KCNAB2: variants seen among roughly 807,000 people sequenced by gnomAD.
KCNAB2 encodes the protein voltage-gated potassium channel subunit beta-2.
Under a neutral mutation model 63.6 loss-of-function variants are expected in KCNAB2, and 29 were observed. The observed-to-expected ratio is 0.46, with a 90% CI of 0.34 to 0.62. KCNAB2 has a LOEUF of 0.62. Ranked by LOEUF, KCNAB2 falls within the 20% of genes least tolerant of loss-of-function variation. KCNAB2 has a pLI of 0.01. For synonymous variants in KCNAB2, 222 were observed against 224.2 expected (o/e 0.99, Z 0.09); for missense variants, 359 against 563.9 (o/e 0.64, Z 3.68).
chr1:6,072,899 C>A, intron 3 of KCNAB2, 101 bp downstream of exon 3: 1 of 1,094,408 alleles, frequency 9.1e-7, no homozygotes, highest in Non-Finnish European at 1.4e-6. Context: ...GTGGCCCAAA[C>A]CTTGGCACTC....
intron 2 of KCNAB2, among the ~76,000 whole-genome samples, chr1:6,072,137 C>T (rs1417520049): frequency 2.6e-5 from 4 of 152,202 alleles, no homozygotes; most frequent in African/African-American, 9.6e-5. Flanking sequence ...GGAAGGAGCC[C>T]GGGCAGCTGT....
intron 11 of KCNAB2, among the ~76,000 whole-genome samples, chr1:6,094,860 G>A (rs1204113652): frequency 1.3e-5 from 2 of 152,252 alleles, no homozygotes; most frequent in Admixed American, 6.5e-5. Context: ...TGACAACACC[G>A]TCAGCTGTTT....
In KCNAB2 at chr1:6,089,164, A is replaced by G. The variant is rs1031680331; in HGVS notation, c.514+113A>G. 5 of 1,129,110 alleles carry G rather than the reference A, an allele frequency of 4.4e-6. No homozygotes were observed. The Admixed American group carries it at 6.2e-5, about 14-fold the overall frequency. The allele number at this position is 1,129,110 out of a possible 1,614,324, so 69.9% of individuals were successfully genotyped here. ...CCCCAGTTAACCCACTGAGGGCCCAATCCCGGGGCACCCGGTGCTCTGGCC... is the reference window on the plus strand; with the variant it reads ...CCCCAGTTAACCCACTGAGGGCCCAGTCCCGGGGCACCCGGTGCTCTGGCC... On this transcript the variant is annotated intron_variant, in intron 8 of 15. Transcript: ENST00000378083.
At position 6,049,274 on chromosome 1, in the gene KCNAB2, C is replaced by T. The variant is rs571803941; in HGVS notation, c.-26-2237C>T. ...AGTATCTGAGTCCCTCCTCTGTACA[C>T]GAGGGGCACTCCCATGGGCACTGAG... On this transcript the variant is annotated intron_variant, in intron 1 of 15. Transcript: ENST00000378083. 1.5e-3 allele frequency among the ~76,000 whole-genome samples: 225 copies of T among 152,176 alleles called. 1 individual carries two copies. Among genetic ancestry groups the T allele is most frequent in the Non-Finnish European group, 2.7e-3 (183 of 68,032 alleles).
rs1033450057 is a variant in KCNAB2 at position 6,096,042 on chromosome 1, A to G, written c.948+418A>G. The G allele has an allele frequency of 6.6e-6, 3 of 457,026 alleles. No homozygotes were observed. The highest frequency in any genetic ancestry group is 2.0e-5 in the African/African-American group (1 of 49,874). 28.3% of individuals were successfully genotyped at this position (457,026 alleles called of 1,614,324 possible). ...GAGAGGCGCCCCTCCCCACCACACA[A>G]CCTCTGAGTGGGGACTCAGGAGGGT... On this transcript the variant is annotated intron_variant, in intron 13 of 15. Transcript: ENST00000378083. The surrounding 1 kb of genome is among the most constrained non-coding windows in gnomAD (Gnocchi z 5.9).
chr1:6,053,358 C>T (rs1661545775), intron 2 of KCNAB2, among the ~76,000 whole-genome samples: 1 of 152,212 alleles, frequency 6.6e-6, no homozygotes, highest in South Asian at 2.1e-4. Flanking sequence ...AGGTCCCCAA[C>T]CTCACGGCAG....
chr1:6,008,220 C>A (rs1398620435), intron 1 of KCNAB2, among the ~76,000 whole-genome samples: 1 of 152,188 alleles, frequency 6.6e-6, no homozygotes, highest in Non-Finnish European at 1.5e-5. Context: ...CTGGGTCCCC[C>A]ATGGCAGAAA....
intron 1 of KCNAB2, among the ~76,000 whole-genome samples, chr1:6,019,801 T>G (rs920340169): frequency 1.3e-5 from 2 of 152,176 alleles, no homozygotes; most frequent in African/African-American, 4.8e-5. Flanking sequence ...GAAGCAAGGT[T>G]TGCTCTCAAG....
Position 5,993,226 on chromosome 1 carries a change from C to A in KCNAB2, c.-53+438C>A, listed in dbSNP as rs537767013. Among the ~76,000 whole-genome samples the A allele has an allele frequency of 1.4e-4, 21 of 151,994 alleles. No homozygotes were observed. The South Asian group carries it at 4.4e-3, about 32-fold the overall frequency. ...GCTGTTCCCGGTCCTCCCCATCTCT[C>A]CTCCTGATCGCTTCTCAAGGCTCAT... On this transcript the variant is annotated intron_variant, in intron 1 of 16. Transcript: ENST00000341524.
chr1:6,089,365 G>T (rs1393168504), intron 8 of KCNAB2, among the ~76,000 whole-genome samples: 1 of 152,234 alleles, frequency 6.6e-6, no homozygotes, highest in East Asian at 1.9e-4. Flanking sequence ...CAGTATCTGT[G>T]CAATAGGGAC....
rs1010137285 is a variant in KCNAB2 at position 6,035,012 on chromosome 1, G to A, written c.-53+218G>A. ...GCCCAGGGGAGGGACCAGGGAGTGT[G>A]GGGGAGACGGGGACTGCGATGAAAG... On this transcript the variant is annotated intron_variant, in intron 1 of 15. Transcript: ENST00000164247. This position sits in a 1 kb window ranked among gnomAD's most constrained non-coding sequence, Gnocchi z 5.0. Among the ~76,000 whole-genome samples, 1 of 152,210 alleles carries A rather than the reference G, an allele frequency of 6.6e-6. No individual in the cohort carries two copies. Among genetic ancestry groups the A allele is most frequent in the African/African-American group, 2.4e-5 (1 of 41,442 alleles).
Position 6,098,569 on chromosome 1 carries a change from T to G in KCNAB2, c.1243T>G (p.Ser415Ala). The G allele has an allele frequency of 3.1e-6, 5 of 1,613,780 alleles. No individual in the cohort carries two copies. The highest frequency in any genetic ancestry group is 4.2e-6 in the Non-Finnish European group (5 of 1,179,952). Residue 415 changes from serine to alanine, a missense_variant, in exon 16 of 16, where the codon TCC (serine) becomes GCC (alanine). Ser to Ala is a moderately conservative substitution (Grantham distance 99). Around this residue, in one of 2 missense-constraint regions of KCNAB2, gnomAD observed 271 missense variants for 476.1 expected, o/e 0.57. Coordinates refer to ENST00000378083, the MANE Select transcript of KCNAB2 (RefSeq NM_001199862.2). Reference sequence around the variant, plus strand: ...ACCCTACAGCAAAAAGGACTACAGATCCTAAGCCGCCCCCGCCCGCCTGCT... The same window carrying G: ...ACCCTACAGCAAAAAGGACTACAGAGCCTAAGCCGCCCCCGCCCGCCTGCT... ...NKPYSKKDYRS is the reference protein window; with the variant it reads ...NKPYSKKDYRA
chr1:6,010,874 G>A (rs147809560), intron 1 of KCNAB2, among the ~76,000 whole-genome samples: 226 of 152,362 alleles, frequency 1.5e-3, no homozygotes, highest in Non-Finnish European at 1.5e-3. Context: ...TCGTGGAAGC[G>A]GCGAATGAGT....
chr1:6,082,122 C>G, intron 4 of KCNAB2, 73 bp from the exon 5 acceptor site: 2 of 1,354,800 alleles, frequency 1.5e-6, no homozygotes, highest in Non-Finnish European at 2.1e-6. Flanking sequence ...CCTCCCAGGC[C>G]GAGAGGGTGG....
At chr1:6,097,123 C>T (rs1486289319) in intron 14 of KCNAB2, 146 bp from the exon 15 acceptor site, 9 of 901,608 alleles carry the variant, frequency 1.0e-5, no homozygotes, top group African/African-American at 3.4e-5. Flanking sequence ...AGACAAAGCC[C>T]GTGCCCAGCA....
rs573192863 is a variant in KCNAB2, at chr1:6,069,721, G to T, written c.219-3034G>T. ...CACGCAGCAGCCATGCTTACAAAGCGTTCAGCCTGGAGGCGCCCTGTCCCT... is the reference window on the plus strand; with the variant it reads ...CACGCAGCAGCCATGCTTACAAAGCTTTCAGCCTGGAGGCGCCCTGTCCCT... On this transcript the variant is annotated intron_variant, in intron 2 of 15. Coordinates refer to ENST00000378083, the MANE Select transcript of KCNAB2 (RefSeq NM_001199862.2). This position sits in a 1 kb window ranked among gnomAD's most constrained non-coding sequence, Gnocchi z 5.4. 7.2e-5 allele frequency among the ~76,000 whole-genome samples: 11 copies of T among 152,342 alleles called. No individual in the cohort carries two copies. The highest frequency in any genetic ancestry group is 2.0e-4 in the Admixed American group (3 of 15,306).
rs1285998969 is a variant in KCNAB2 at position 6,003,629 on chromosome 1, A to G, written c.-53+10841A>G. On this transcript the variant is annotated intron_variant, in intron 1 of 16. Transcript: ENST00000341524. The surrounding 1 kb of genome is among the most constrained non-coding windows in gnomAD (Gnocchi z 4.1). ...CATCTCGCTTTATTTCCTCTCTTGA[A>G]CTATTAGGATAAAGTCACAGAGGTA... Among the ~76,000 whole-genome samples, 1 of 152,144 alleles carries G rather than the reference A, an allele frequency of 6.6e-6. No homozygotes were observed. Among genetic ancestry groups the G allele is most frequent in the Non-Finnish European group, 1.5e-5 (1 of 68,040 alleles).
At chr1:6,092,107 T>C (rs78620325) in intron 10 of KCNAB2, among the ~76,000 whole-genome samples, 2,862 of 152,352 alleles carry the variant, frequency 0.019, 89 homozygotes, top group African/African-American at 0.065. Flanking sequence ...CGGCAGGAGA[T>C]GCTGTGAGTT....
intron 2 of KCNAB2, among the ~76,000 whole-genome samples, chr1:6,058,057 G>A (rs1280035396): frequency 1.3e-5 from 2 of 152,130 alleles, no homozygotes; most frequent in Non-Finnish European, 2.9e-5. Context: ...AGGCTGAAGT[G>A]AGGATCACTG....
Sources: allele counts gnomAD v4.1 joint callset (sites outside exome capture counted in the v4.1 genomes callset), GRCh38; gene constraint gnomAD v4.1.1; regional missense constraint gnomAD v4.1.1; non-coding constraint Gnocchi (gnomAD v3.1); transcripts MANE v1.5; gene names NCBI Gene and HGNC (gene_info 2026-07-23, HGNC 2026-07-21).